MON2: variants seen among roughly 807,000 people sequenced by gnomAD.
MON2 encodes protein MON2 homolog.
In MON2, 84 loss-of-function variants were observed where a neutral mutation model predicts 208.6. The observed-to-expected ratio is 0.40, with a 90% confidence interval of 0.34 to 0.48. The LOEUF is 0.48. Ranked by LOEUF, MON2 falls within the 20% of genes least tolerant of loss-of-function variation. The pLI is 0.59. For synonymous variants in MON2, 660 were observed against 694.0 expected (o/e 0.95, Z 0.77); for missense variants, 1,611 against 2,015.4 (o/e 0.80, Z 3.84).
Position 62,532,477 on chromosome 12 carries a change from T to C in MON2, c.1440T>C (p.Pro480=). The C allele has an allele frequency of 6.2e-7, 1 of 1,614,166 alleles. No individual in the cohort carries two copies. The highest frequency in any genetic ancestry group is 8.5e-7 in the Non-Finnish European group (1 of 1,179,992). Residue 480 remains proline (P), a synonymous_variant, in exon 12 of 35, where the codon CCT becomes CCC. Coordinates refer to ENST00000393630, the MANE Select transcript of MON2 (RefSeq NM_015026.3). ...MLDKVEPPTI[P]EGYAMSVAFH... ...ACAAAGTTGAGCCTCCAACTATACC[T>C]GAAGGTTACGCCATGTCTGTGGCAT...
At position 62,597,136 on chromosome 12, in the gene MON2, T is replaced by C. The variant is rs1236248771; in HGVS notation, c.*4387T>C. The C allele has an allele frequency of 3.9e-5, 6 of 152,136 alleles. No homozygotes were observed. Among genetic ancestry groups the C allele is most frequent in the Non-Finnish European group, 8.8e-5 (6 of 68,018 alleles). 9.4% of individuals were successfully genotyped at this position (152,136 alleles called of 1,614,324 possible). A position where few individuals can be genotyped will look rare whatever the true frequency, so the allele number is the denominator to read the frequency against. On this transcript the variant is annotated 3_prime_UTR_variant, in exon 35 of 35. Transcript: ENST00000393630. ...GATTTTAATGACAGGGTAATTCAAG[T>C]TGTTTGATAAATTTATTACTATATT...
intron 8 of MON2, among the ~76,000 whole-genome samples, chr12:62,523,230 G>GA (rs1257568321): frequency 6.6e-6 from 1 of 152,086 alleles, no homozygotes; most frequent in African/African-American, 2.4e-5. Context: ...ATTTTGTTTA[G>GA]AAAAAATAAT....
chr12:62,532,502 T>G lies in MON2; in HGVS notation c.1465T>G (p.Phe489Val). 6.2e-7 allele frequency: 1 copy of G among 1,614,178 alleles called. No individual in the cohort carries two copies. Among genetic ancestry groups the G allele is most frequent in the Non-Finnish European group, 8.5e-7 (1 of 1,180,016 alleles). ...TGAAGGTTACGCCATGTCTGTGGCA[T>G]TCCATTGTTTGCTAGACCTTGTTCG... ...IPEGYAMSVA[F>V]HCLLDLVRGI... Residue 489 changes from phenylalanine to valine, a missense_variant, in exon 12 of 35, where the codon TTC becomes GTC. By Grantham distance (50) the Phe-to-Val change is conservative. Transcript: ENST00000393630.
chr12:62,540,015 A>G (rs1302608413), intron 19 of MON2, among the ~76,000 whole-genome samples: 1 of 152,182 alleles, frequency 6.6e-6, no homozygotes, highest in Non-Finnish European at 1.5e-5. Context: ...AATCAGGGCA[A>G]GGATAATATA....
At position 62,514,124 on chromosome 12, in the gene MON2, C is replaced by G. The variant is rs370440271; in HGVS notation, c.984+5644C>G. 5.9e-5 allele frequency among the ~76,000 whole-genome samples: 9 copies of G among 152,236 alleles called. No individual in the cohort carries two copies. The East Asian group carries it at 1.7e-3, about 29-fold the overall frequency. ...CCAGTTCCCAACAAGTTCCTCATCT[C>G]CATCTGAGACCATCTCATCCTGGAT... is the stretch of plus-strand genomic sequence containing the variant. On this transcript the variant is annotated intron_variant, in intron 8 of 34. Transcript: ENST00000393630.
Position 62,544,991 on chromosome 12 carries a change from C to T in MON2, c.2560C>T (p.Pro854Ser). Reference sequence around the variant, plus strand: ...AGGATTAACATTTAACCATGATCCTCCACTCTCACAAAACCAGGTAATAAA... The same window carrying T: ...AGGATTAACATTTAACCATGATCCTTCACTCTCACAAAACCAGGTAATAAA... ...KAGLTFNHDP[P>S]LSQNQRLQLL... The change falls in exon 21 of 35, where the codon CCA becomes TCA. Residue 854 changes from proline (P) to serine (S), a missense_variant. Physicochemically the swap from Pro to Ser is moderately conservative, Grantham distance 74. Coordinates refer to ENST00000393630, the MANE Select transcript of MON2 (RefSeq NM_015026.3). The T allele has an allele frequency of 6.3e-7, 1 of 1,584,222 alleles. No individual in the cohort carries two copies. Among genetic ancestry groups the T allele is most frequent in the Non-Finnish European group, 8.6e-7 (1 of 1,164,922 alleles).
rs955057248 is a variant in MON2 at position 62,578,570 on chromosome 12, A to T, written c.4575+65A>T. On this transcript the variant is annotated intron_variant, in intron 31 of 34. Transcript: ENST00000393630. The stretch of plus-strand genomic sequence containing the variant: ...TGAAACCAAATAGTAAAAATGTTTG[A>T]ACTATACAGTTGCTGAAAGAATAAA... 13 of 1,006,612 alleles carry T rather than the reference A, an allele frequency of 1.3e-5. No individual in the cohort carries two copies. The African/African-American group carries it at 2.0e-4, about 16-fold the overall frequency. 62.4% of individuals were successfully genotyped at this position (1,006,612 alleles called of 1,614,324 possible).
intron 19 of MON2, among the ~76,000 whole-genome samples, chr12:62,542,381 A>G: frequency 6.6e-6 from 1 of 152,286 alleles, no homozygotes; most frequent in Admixed American, 6.5e-5. Context: ...TCTTTTTTCT[A>G]AGACAATGTC....
Position 62,486,726 on chromosome 12 carries a change from G to A in MON2, c.175+2493G>A, listed in dbSNP as rs147733414. ...TTTAGTTAACTTTTTAAAATTTCAT[G>A]AGAAGTATTTACTTCTTTATGGTAC... On this transcript the variant is annotated intron_variant, in intron 2 of 34. Coordinates refer to ENST00000393630, the MANE Select transcript of MON2 (RefSeq NM_015026.3). 9.5e-4 allele frequency among the ~76,000 whole-genome samples: 144 copies of A among 152,096 alleles called. 1 individual carries two copies. The highest frequency in any genetic ancestry group is 8.8e-5 in the Non-Finnish European group (6 of 67,924).
At chr12:62,513,150 A>T (rs1301859596) in intron 8 of MON2, among the ~76,000 whole-genome samples, 1 of 152,188 alleles carries the variant, frequency 6.6e-6, no homozygotes, top group Non-Finnish European at 1.5e-5. Context: ...TGTCTTGGTG[A>T]TTAACATTCA....
intron 11 of MON2, among the ~76,000 whole-genome samples, chr12:62,532,072 G>A (rs990935666): frequency 2.6e-5 from 4 of 152,048 alleles, no homozygotes; most frequent in African/African-American, 9.7e-5. Context: ...CCCGGCCAAT[G>A]GCATCTTATT....
chr12:62,525,344 T>G (rs7307374), intron 10 of MON2, 124 bp downstream of exon 10: 1 of 887,324 alleles, frequency 1.1e-6, no homozygotes, highest in Admixed American at 2.5e-5. Flanking sequence ...ATGTTGGTAG[T>G]AAAGAATTGC....
intron 23 of MON2, among the ~76,000 whole-genome samples, chr12:62,552,276 G>A (rs1045862755): frequency 2.0e-5 from 3 of 152,026 alleles, no homozygotes; most frequent in Non-Finnish European, 4.4e-5. Flanking sequence ...ATTTTTACAT[G>A]GGAAAAAATG....
intron 8 of MON2, among the ~76,000 whole-genome samples, chr12:62,519,358 G>A (rs1189910618): frequency 6.6e-6 from 1 of 152,006 alleles, no homozygotes; most frequent in Non-Finnish European, 1.5e-5. Flanking sequence ...GTGACACTTG[G>A]GGATCCAAGA....
At chr12:62,586,534 G>T (rs1322326384) in intron 33 of MON2, among the ~76,000 whole-genome samples, 1 of 152,002 alleles carries the variant, frequency 6.6e-6, no homozygotes, top group Non-Finnish European at 1.5e-5. Flanking sequence ...ATAGTCATGT[G>T]GTACTTTGCT....
intron 34 of MON2, among the ~76,000 whole-genome samples, chr12:62,589,343 T>A (rs141395032): frequency 4.5e-4 from 69 of 152,238 alleles, no homozygotes; most frequent in African/African-American, 1.6e-3. Flanking sequence ...ACTTTTAATA[T>A]CCAAGAAAAA....
chr12:62,530,325 G>C (rs12229122), intron 11 of MON2, among the ~76,000 whole-genome samples: 1 of 150,678 alleles, frequency 6.6e-6, no homozygotes, highest in Non-Finnish European at 1.5e-5. Flanking sequence ...CTGCCTCCCA[G>C]GTTCATGCCA....
chr12:62,536,213 T>C (rs969707358), intron 14 of MON2, among the ~76,000 whole-genome samples: 3 of 121,584 alleles, frequency 2.5e-5, no homozygotes, highest in Non-Finnish European at 5.4e-5. Flanking sequence ...ACCATTGAAA[T>C]GGTGATTGTT....
At chr12:62,559,146 T>A (rs1389761979) in intron 25 of MON2, among the ~76,000 whole-genome samples, 9 of 152,218 alleles carry the variant, frequency 5.9e-5, no homozygotes, top group African/African-American at 2.2e-4. Context: ...TCCCAGGAAT[T>A]TGGGGTTTAT....
Sources: allele counts gnomAD v4.1 joint callset (sites outside exome capture counted in the v4.1 genomes callset), GRCh38; gene constraint gnomAD v4.1.1; transcripts MANE v1.5; gene names NCBI Gene and HGNC (gene_info 2026-07-23, HGNC 2026-07-21).